Variants in SLC38A6 observed in about 807,000 individuals in gnomAD.
SLC38A6 encodes N system amino acid transporter NAT-1.
A neutral mutation model predicts 65.0 loss-of-function variants in SLC38A6; 73 were observed. That is an observed-to-expected ratio of 1.12 (90% CI 0.93 to 1.37). The LOEUF is 1.37. Among genes scored for constraint, SLC38A6 ranks in the 40% most tolerant of loss-of-function variants. SLC38A6 has a pLI of 0.00. For synonymous variants in SLC38A6, 183 were observed against 178.8 expected (o/e 1.02, Z -0.19); for missense variants, 561 against 531.1 (o/e 1.06, Z -0.55).
At position 61,052,025 on chromosome 14, in the gene SLC38A6, T is replaced by C. The variant is rs754468259; in HGVS notation, c.1196-16T>C. On this transcript the variant is annotated splice_polypyrimidine_tract_variant and intron_variant, in intron 14 of 15. Transcript: ENST00000267488. ...ATCCAGCAATATCCTCTCTTTTTTT[T>C]CCCTCCACTTTAAAGGTGCCAGTAC... 3.1e-6 allele frequency: 5 copies of C among 1,599,770 alleles called. No homozygotes were observed. Among genetic ancestry groups the C allele is most frequent in the East Asian group, 2.2e-5 (1 of 44,600 alleles).
chr14:61,068,771 A>G (rs566558304), intron 15 of SLC38A6, among the ~76,000 whole-genome samples: 4 of 152,342 alleles, frequency 2.6e-5, no homozygotes, highest in African/African-American at 9.6e-5. Flanking sequence ...GAACTGGGAC[A>G]TAACTGTCTT....
At chr14:60,999,481 C>A (rs1394631093) in intron 3 of SLC38A6, among the ~76,000 whole-genome samples, 2 of 152,094 alleles carry the variant, frequency 1.3e-5, no homozygotes, top group Non-Finnish European at 2.9e-5. Context: ...ATAACATTTT[C>A]TAAATGCTCC....
intron 3 of SLC38A6, among the ~76,000 whole-genome samples, chr14:60,993,329 A>C (rs2038049480): frequency 1.3e-5 from 2 of 152,230 alleles, no homozygotes; most frequent in Non-Finnish European, 2.9e-5. Context: ...AAGAGCTAAT[A>C]TTCGATTTAG....
intron 8 of SLC38A6, 128 bp downstream of exon 8, chr14:61,037,811 G>C: frequency 3.4e-6 from 2 of 586,574 alleles, no homozygotes; most frequent in South Asian, 5.2e-5. Flanking sequence ...GTTATTAAAA[G>C]CACTTTTGTT....
At chr14:61,032,077 G>T (rs1342259674) in intron 6 of SLC38A6, among the ~76,000 whole-genome samples, 1 of 151,898 alleles carries the variant, frequency 6.6e-6, no homozygotes, top group African/African-American at 2.4e-5. Flanking sequence ...ACAGCACAGT[G>T]TGGAGAATTA....
intron 3 of SLC38A6, among the ~76,000 whole-genome samples, chr14:60,995,474 C>G (rs1210013566): frequency 6.6e-6 from 1 of 152,124 alleles, no homozygotes; most frequent in Non-Finnish European, 1.5e-5. Flanking sequence ...AGATGTTCAT[C>G]AAAGGGTATA....
At chr14:60,996,809 A>G (rs1196625089) in intron 3 of SLC38A6, among the ~76,000 whole-genome samples, 1 of 152,216 alleles carries the variant, frequency 6.6e-6, no homozygotes, top group African/African-American at 2.4e-5. Flanking sequence ...TCCTAGGAGC[A>G]ATACTGTAAA....
At chr14:61,042,884 T>C (rs180907834) in intron 8 of SLC38A6, among the ~76,000 whole-genome samples, 38 of 152,294 alleles carry the variant, frequency 2.5e-4, no homozygotes, top group South Asian at 8.3e-4. Flanking sequence ...CTTGATGCTG[T>C]TGGAATTTTG....
At position 60,982,616 on chromosome 14, in the gene SLC38A6, A is replaced by G. The variant is rs780106519; in HGVS notation, c.214A>G (p.Asn72Asp). ...CCTTGGCTTAGCTTATGTTTTGGCT[A>G]ATACCGGTGTCTTTGGATTTAGGTG... ...GILGLAYVLA[N>D]TGVFGFSFLL... is the part of the protein sequence containing the mutation. Residue 72 changes from asparagine (N) to aspartate (D), a missense_variant, in exon 2 of 16, where the codon AAT (asparagine) becomes GAT (aspartate). Asn to Asp is a conservative substitution (Grantham distance 23). Coordinates refer to ENST00000267488, the MANE Select transcript of SLC38A6 (RefSeq NM_153811.3). 1.8e-5 allele frequency: 29 copies of G among 1,609,828 alleles called. No homozygotes were observed. Among genetic ancestry groups the G allele is most frequent in the African/African-American group, 5.4e-5 (4 of 74,656 alleles).
At chr14:61,079,642 A>G (rs771728416) in intron 16 of SLC38A6, among the ~76,000 whole-genome samples, 1 of 152,208 alleles carries the variant, frequency 6.6e-6, no homozygotes, top group East Asian at 1.9e-4. Context: ...ATGATAAAAT[A>G]TACAAATTCT....
At chr14:60,998,799 C>T (rs2038479247) in intron 3 of SLC38A6, among the ~76,000 whole-genome samples, 1 of 152,208 alleles carries the variant, frequency 6.6e-6, no homozygotes, top group Non-Finnish European at 1.5e-5. Flanking sequence ...GCTCCGCCTC[C>T]TGTAAGGGGT....
At chr14:61,019,282 A>C (rs1386077188) in intron 4 of SLC38A6, among the ~76,000 whole-genome samples, 1 of 152,190 alleles carries the variant, frequency 6.6e-6, no homozygotes, top group African/African-American at 2.4e-5. Flanking sequence ...AGCTTTTAAC[A>C]CTTTTAACAA....
At chr14:61,018,295 A>G (rs1403581086) in intron 4 of SLC38A6, among the ~76,000 whole-genome samples, 1 of 152,216 alleles carries the variant, frequency 6.6e-6, no homozygotes, top group Admixed American at 6.5e-5. Flanking sequence ...GTCTTTTCAC[A>G]AATAACTTCG....
intron 2 of SLC38A6, among the ~76,000 whole-genome samples, chr14:60,984,355 C>T (rs186099531): frequency 2.2e-4 from 34 of 152,024 alleles, no homozygotes; most frequent in African/African-American, 8.2e-4. Context: ...AATGAGATTG[C>T]ATAAGTAAAA....
chr14:61,009,101 T>C (rs2039360664), intron 3 of SLC38A6, among the ~76,000 whole-genome samples: 1 of 152,188 alleles, frequency 6.6e-6, no homozygotes, highest in African/African-American at 2.4e-5. Context: ...GTTACTTCTT[T>C]AAATTTAGTC....
chr14:61,077,779 T>C (rs2043475951), intron 15 of SLC38A6, among the ~76,000 whole-genome samples: 1 of 152,066 alleles, frequency 6.6e-6, no homozygotes, highest in Non-Finnish European at 1.5e-5. Context: ...TTTTTTTTTC[T>C]ACTCAACTCT....
intron 15 of SLC38A6, among the ~76,000 whole-genome samples, chr14:61,066,185 G>A (rs2043012767): frequency 6.6e-6 from 1 of 152,106 alleles, no homozygotes; most frequent in Admixed American, 6.5e-5. Context: ...TTATTCTTCT[G>A]ATAATCTTCC....
intron 3 of SLC38A6, among the ~76,000 whole-genome samples, chr14:61,014,732 C>T (rs571134505): frequency 2.6e-5 from 4 of 152,282 alleles, no homozygotes; most frequent in East Asian, 1.9e-4. Flanking sequence ...GCTGCCTGAT[C>T]GTTCCTCTGG....
At chr14:61,035,508 A>G (rs1295191983) in intron 6 of SLC38A6, among the ~76,000 whole-genome samples, 5 of 152,154 alleles carry the variant, frequency 3.3e-5, no homozygotes, top group Non-Finnish European at 5.9e-5. Flanking sequence ...AGCTTCACAT[A>G]CATAGAATTT....
Sources: gnomAD v4.1 joint callset for allele counts (sites outside exome capture counted in the v4.1 genomes callset) on GRCh38, gnomAD v4.1.1 for gene constraint, MANE v1.5 for transcripts, NCBI Gene and HGNC (gene_info 2026-07-23, HGNC 2026-07-21) for gene names.